The following CFAP54 variants were observed in gnomAD, a reference collection of about 807,000 sequenced individuals.
The protein encoded by CFAP54 is cilia- and flagella-associated protein 54.
In CFAP54, 290 loss-of-function variants were observed where a neutral mutation model predicts 370.4. The observed-to-expected ratio is 0.78, with a 90% CI of 0.71 to 0.86. The LOEUF (loss-of-function observed/expected upper bound fraction) is 0.86. CFAP54 is among the 40% of genes least tolerant of loss of function. The pLI is 0.00. For synonymous variants in CFAP54, 1,206 were observed against 1,236.5 expected (o/e 0.98, Z 0.52); for missense variants, 3,399 against 3,528.7 (o/e 0.96, Z 0.93).
intron 19 of CFAP54, among the ~76,000 whole-genome samples, chr12:96,565,777 A>G (rs1955860455): frequency 6.6e-6 from 1 of 152,196 alleles, no homozygotes; most frequent in African/African-American, 2.4e-5. Flanking sequence ...GATGTAGATA[A>G]GAAAAGTTTG....
At chr12:96,728,011 C>T (rs1957864651) in intron 50 of CFAP54, among the ~76,000 whole-genome samples, 1 of 151,924 alleles carries the variant, frequency 6.6e-6, no homozygotes, top group Admixed American at 6.6e-5. Flanking sequence ...GGCCCCCACT[C>T]TCTTCTGGCT....
chr12:96,696,839 C>G (rs1276367804), intron 45 of CFAP54, among the ~76,000 whole-genome samples: 1 of 152,164 alleles, frequency 6.6e-6, no homozygotes, highest in Non-Finnish European at 1.5e-5. Context: ...CAGAGTTTGC[C>G]TGACCTTTCT....
At chr12:96,701,225 G>A (rs1203088332) in intron 46 of CFAP54, among the ~76,000 whole-genome samples, 1 of 152,060 alleles carries the variant, frequency 6.6e-6, no homozygotes, top group African/African-American at 2.4e-5. Context: ...ATAGAGAGGG[G>A]AAAGAGAGAG....
intron 19 of CFAP54, among the ~76,000 whole-genome samples, chr12:96,567,968 C>G (rs746296799): frequency 2.1e-4 from 32 of 151,938 alleles, no homozygotes; most frequent in Non-Finnish European, 3.7e-4. Context: ...AACATTTGGA[C>G]CAGAACAAAT....
At chr12:96,845,028 T>C (rs1659559157) in intron 66 of CFAP54, among the ~76,000 whole-genome samples, 2 of 152,222 alleles carry the variant, frequency 1.3e-5, no homozygotes, top group Non-Finnish European at 2.9e-5. Flanking sequence ...TTGAATTTCT[T>C]CATATTTAAG....
At chr12:96,785,981 C>T (rs1394921040) in intron 61 of CFAP54, among the ~76,000 whole-genome samples, 1 of 152,184 alleles carries the variant, frequency 6.6e-6, no homozygotes, top group Non-Finnish European at 1.5e-5. Context: ...TTTACTCACC[C>T]TTATTGGCTC....
At chr12:96,823,679 G>A (rs539751790) in intron 65 of CFAP54, among the ~76,000 whole-genome samples, 53 of 152,282 alleles carry the variant, frequency 3.5e-4, no homozygotes, top group African/African-American at 1.2e-3. Context: ...TGGGCTCTCT[G>A]TGTTTTGTTC....
chr12:96,658,243 T>A lies in CFAP54; in HGVS notation c.5357T>A (p.Leu1786Gln), dbSNP rs547050625. Reference protein sequence around the residue: ...ERYTEQVTPLLVYAQRQLLLR... With the variant: ...ERYTEQVTPLQVYAQRQLLLR... ...TATACAGAACAAGTGACACCACTTC[T>A]GGTGTATGCACAGCGCCAGCTTCTG... The change falls in exon 38 of 68, where the codon CTG becomes CAG. Residue 1786 changes from leucine (L) to glutamine (Q), a missense_variant. Transcript: ENST00000524981. 100 of 1,614,164 alleles carry A rather than the reference T, an allele frequency of 6.2e-5. No individual in the cohort carries two copies. The South Asian group carries it at 1.1e-3, about 17-fold the overall frequency.
At chr12:96,682,227 AC>A in intron 40 of CFAP54, 1 of 985,536 alleles carries the variant, frequency 1.0e-6, no homozygotes, top group Non-Finnish European at 1.2e-6. Context: ...ATATGTCAAT[AC>A]CCCCTGACCT....
At chr12:96,778,264 A>G (rs1958542253) in intron 60 of CFAP54, among the ~76,000 whole-genome samples, 1 of 152,212 alleles carries the variant, frequency 6.6e-6, no homozygotes, top group Admixed American at 6.5e-5. Context: ...ATCAGTGTCA[A>G]CTGTATAAAA....
intron 26 of CFAP54, among the ~76,000 whole-genome samples, chr12:96,610,205 A>T (rs1257820949): frequency 6.6e-6 from 1 of 152,252 alleles, no homozygotes; most frequent in African/African-American, 2.4e-5. Flanking sequence ...TCATTGAGAA[A>T]ATGATAGTGT....
At chr12:96,518,810 T>C in intron 5 of CFAP54, 118 bp from the exon 6 acceptor site, 4 of 864,740 alleles carry the variant, frequency 4.6e-6, no homozygotes, top group Non-Finnish European at 4.8e-6. Flanking sequence ...ATTTATGGTA[T>C]TTTTGGTTTG....
At chr12:96,555,344 T>C (rs1419518751) in intron 17 of CFAP54, among the ~76,000 whole-genome samples, 1 of 151,912 alleles carries the variant, frequency 6.6e-6, no homozygotes, top group Non-Finnish European at 1.5e-5. Flanking sequence ...AAATGCTGGT[T>C]AATTTAAGAG....
Position 96,502,408 on chromosome 12 carries a change from A to AT in CFAP54, c.423+1469_423+1470insT, listed in dbSNP as rs1270285025. ...GAAACACTGTCCCTAAAAAAAAAAA[A>AT]AAAAAAAAAAAGGTATTTATAATTC... On this transcript the variant is annotated intron_variant, in intron 2 of 67. Transcript: ENST00000524981. 8.6e-5 allele frequency among the ~76,000 whole-genome samples: 13 copies of AT among 151,212 alleles called. 1 individual carries two copies. Among genetic ancestry groups the AT allele is most frequent in the African/African-American group, 3.2e-4 (13 of 41,112 alleles).
intron 50 of CFAP54, among the ~76,000 whole-genome samples, chr12:96,738,659 G>A (rs1958010713): frequency 6.8e-6 from 1 of 146,158 alleles, no homozygotes; most frequent in Admixed American, 7.0e-5. Flanking sequence ...TCGCCGGGCT[G>A]GAGTTCAATG....
intron 60 of CFAP54, among the ~76,000 whole-genome samples, chr12:96,768,484 C>G (rs1304363159): frequency 6.6e-6 from 1 of 151,974 alleles, no homozygotes; most frequent in Non-Finnish European, 1.5e-5. Context: ...AAAACCCGAT[C>G]TCTACTAAAA....
At chr12:96,532,536 ATC>A (rs1246563223) in intron 9 of CFAP54, among the ~76,000 whole-genome samples, 8 of 152,162 alleles carry the variant, frequency 5.3e-5, no homozygotes, top group Admixed American at 5.2e-4. Context: ...CTTTCCCACT[ATC>A]TCTCATTTAA....
chr12:96,593,102 A>G (rs954326621), intron 24 of CFAP54, among the ~76,000 whole-genome samples: 1 of 152,154 alleles, frequency 6.6e-6, no homozygotes, highest in Non-Finnish European at 1.5e-5. Context: ...TCATGCTGTT[A>G]TATATCAATC....
chr12:96,560,042 T>G (rs1955799155), intron 17 of CFAP54, among the ~76,000 whole-genome samples: 1 of 152,178 alleles, frequency 6.6e-6, no homozygotes, highest in African/African-American at 2.4e-5. Flanking sequence ...ATGCAATATT[T>G]TAACACGTGC....
Sources: allele counts gnomAD v4.1 joint callset (sites outside exome capture counted in the v4.1 genomes callset), GRCh38; gene constraint gnomAD v4.1.1; transcripts MANE v1.5; gene names NCBI Gene and HGNC (gene_info 2026-07-23, HGNC 2026-07-21).